ANKRD44: variants seen among roughly 807,000 people sequenced by gnomAD.
ANKRD44 encodes the protein serine/threonine-protein phosphatase 6 regulatory ankyrin repeat subunit B.
A neutral mutation model predicts 116.0 loss-of-function variants in ANKRD44; 35 were observed. The observed-to-expected ratio is 0.30, with a 90% CI of 0.23 to 0.40. The LOEUF is 0.40. ANKRD44 is among the 10% of genes least tolerant of loss of function. The pLI is 1.00. For missense variants in ANKRD44, 1,014 were observed against 1,242.6 expected (o/e 0.82, Z 2.77); for synonymous variants, 435 against 461.8 (o/e 0.94, Z 0.74).
intron 8 of ANKRD44, among the ~76,000 whole-genome samples, chr2:197,119,630 G>C (rs2078805263): frequency 6.6e-6 from 1 of 152,022 alleles, no homozygotes; most frequent in African/African-American, 2.4e-5. Flanking sequence ...TAGAAATTGT[G>C]AAAAAATATA....
At chr2:197,042,257 G>A (rs2076923750) in intron 16 of ANKRD44, among the ~76,000 whole-genome samples, 1 of 152,106 alleles carries the variant, frequency 6.6e-6, no homozygotes, top group Non-Finnish European at 1.5e-5. Flanking sequence ...CTGGTAGCCA[G>A]CTTGCAGGCC....
At chr2:197,279,124 C>T (rs930348573) in intron 1 of ANKRD44, among the ~76,000 whole-genome samples, 10 of 152,108 alleles carry the variant, frequency 6.6e-5, no homozygotes, top group Admixed American at 5.2e-4. Flanking sequence ...AAGAGTGGAT[C>T]GCATATCCAT....
At chr2:197,011,879 A>G (rs2076307718) in intron 18 of ANKRD44, among the ~76,000 whole-genome samples, 2 of 152,198 alleles carry the variant, frequency 1.3e-5, no homozygotes, top group South Asian at 4.1e-4. Context: ...TAGCAAAAAG[A>G]TGCTAACATC....
intron 1 of ANKRD44, among the ~76,000 whole-genome samples, chr2:197,202,633 C>A (rs191143620): frequency 4.5e-4 from 66 of 147,008 alleles, no homozygotes; most frequent in Middle Eastern, 3.4e-3. Flanking sequence ...AGTGCAGTGG[C>A]ATAACCACAG....
rs533712022 is a variant in ANKRD44, at chr2:197,127,582, G to A, written c.262-1545C>T. 3.3e-5 allele frequency among the ~76,000 whole-genome samples: 5 copies of A among 151,864 alleles called. No homozygotes were observed. The South Asian group carries it at 1.0e-3, about 32-fold the overall frequency. On this transcript the variant is annotated intron_variant, in intron 4 of 27. Transcript: ENST00000282272. The stretch of plus-strand genomic sequence containing the variant: ...AGCTTGCTCTGGCAGAAATATACAA[G>A]GTAAAAAAGAAACTAATGTGGGGGA...
intron 21 of ANKRD44, among the ~76,000 whole-genome samples, chr2:196,975,009 T>C (rs1343301254): frequency 1.3e-5 from 2 of 151,214 alleles, no homozygotes; most frequent in Non-Finnish European, 3.0e-5. Context: ...AGAAAAACAA[T>C]AGAGAAAATT....
At chr2:197,145,259 C>G (rs1358200918) in intron 3 of ANKRD44, among the ~76,000 whole-genome samples, 1 of 151,936 alleles carries the variant, frequency 6.6e-6, no homozygotes, top group African/African-American at 2.4e-5. Flanking sequence ...CCACTGCACT[C>G]CAGCCTGGGC....
chr2:197,243,972 A>C (rs2082139880), intron 1 of ANKRD44, among the ~76,000 whole-genome samples: 1 of 152,260 alleles, frequency 6.6e-6, no homozygotes, highest in Admixed American at 6.5e-5. Flanking sequence ...ATCGTATAGT[A>C]TTATGAATAG....
At chr2:197,086,441 GA>G (rs139342029) in intron 13 of ANKRD44, among the ~76,000 whole-genome samples, 18 of 146,976 alleles carry the variant, frequency 1.2e-4, no homozygotes, top group East Asian at 3.9e-4. Context: ...TCTTTTAACT[GA>G]AAAAAAAAAG....
intron 27 of ANKRD44, chr2:196,990,566 G>C (rs779686546): frequency 2.2e-5 from 27 of 1,230,168 alleles, no homozygotes; most frequent in Non-Finnish European, 2.7e-5. Flanking sequence ...TTCTCTACTA[G>C]CTTCTGGAAG....
chr2:197,292,082 C>A (rs1373321045), intron 1 of ANKRD44, among the ~76,000 whole-genome samples: 1 of 152,208 alleles, frequency 6.6e-6, no homozygotes, highest in Non-Finnish European at 1.5e-5. Flanking sequence ...CAGTGATGGA[C>A]ATTTGAATTG....
chr2:197,255,250 C>T (rs1489500711), intron 1 of ANKRD44, among the ~76,000 whole-genome samples: 1 of 152,296 alleles, frequency 6.6e-6, no homozygotes. Context: ...CTCACAGAGC[C>T]CTGTCTATGG....
Position 197,110,862 on chromosome 2 carries a change from A to C in ANKRD44, c.907-18T>G. On this transcript the variant is annotated intron_variant, in intron 8 of 27. Coordinates refer to ENST00000282272, the MANE Select transcript of ANKRD44 (RefSeq NM_001195144.2). ...TCTTTACTCTAAAAAAAAGAGAGGGAGAGAAAAACAATGGAGGTGCTCATG... is the reference window on the plus strand; with the variant it reads ...TCTTTACTCTAAAAAAAAGAGAGGGCGAGAAAAACAATGGAGGTGCTCATG... 2 of 1,604,446 alleles carry C rather than the reference A, an allele frequency of 1.2e-6. No homozygotes were observed. The highest frequency in any genetic ancestry group is 1.7e-6 in the Non-Finnish European group (2 of 1,171,248).
chr2:197,131,200 TTTTTTTTTTGAGACGGA>T (rs1476977643), intron 4 of ANKRD44, among the ~76,000 whole-genome samples: 1 of 151,820 alleles, frequency 6.6e-6, no homozygotes, highest in Non-Finnish European at 1.5e-5. Flanking sequence ...TACTTTTTTT[TTTTTTTTTTGAGACGGA>T]GTCTCGCTCT....
Position 196,989,569 on chromosome 2 carries a change from T to C in ANKRD44, c.*22A>G, listed in dbSNP as rs1474855212. 1.3e-6 allele frequency: 2 copies of C among 1,549,226 alleles called. No individual in the cohort carries two copies. The highest frequency in any genetic ancestry group is 1.7e-6 in the Non-Finnish European group (2 of 1,146,268). Reference sequence around the variant, plus strand: ...GCACACATATATGTGTGCATGTGTATGTGCATAATTTTTAAAGAGTCTCAT... The same window carrying C: ...GCACACATATATGTGTGCATGTGTACGTGCATAATTTTTAAAGAGTCTCAT... On this transcript the variant is annotated 3_prime_UTR_variant, in exon 28 of 28. Transcript: ENST00000282272.
intron 16 of ANKRD44, among the ~76,000 whole-genome samples, chr2:197,076,751 C>A (rs540440098): frequency 3.9e-4 from 59 of 152,248 alleles, no homozygotes; most frequent in Non-Finnish European, 7.4e-4. Flanking sequence ...TGAGAACATG[C>A]AGTATTTGGT....
chr2:197,011,211 T>C (rs1037879204), intron 18 of ANKRD44, among the ~76,000 whole-genome samples: 1 of 152,244 alleles, frequency 6.6e-6, no homozygotes, highest in Non-Finnish European at 1.5e-5. Context: ...ATACTGCAGA[T>C]GGCAGGTTCA....
chr2:197,239,529 C>CA (rs998725499), intron 1 of ANKRD44, among the ~76,000 whole-genome samples: 7 of 151,720 alleles, frequency 4.6e-5, no homozygotes, highest in African/African-American at 7.3e-5. Context: ...TGTGCCCGGC[C>CA]AAAAAAACAG....
At chr2:197,133,023 T>C (rs2079128265) in intron 4 of ANKRD44, among the ~76,000 whole-genome samples, 2 of 152,326 alleles carry the variant, frequency 1.3e-5, no homozygotes, top group South Asian at 4.1e-4. Context: ...CCACAAGAGA[T>C]ATCTGATGAG....
Sources: allele counts gnomAD v4.1 joint callset (sites outside exome capture counted in the v4.1 genomes callset), GRCh38; gene constraint gnomAD v4.1.1; transcripts MANE v1.5; gene names NCBI Gene and HGNC (gene_info 2026-07-23, HGNC 2026-07-21).